The following MAP2K2 variants were observed in gnomAD, a reference collection of about 807,000 sequenced individuals.
MAP2K2 encodes dual specificity mitogen-activated protein kinase kinase 2.
MAP2K2 carries 24 observed loss-of-function variants against 43.7 expected under a neutral mutation model. The ratio of observed to expected loss-of-function variants is 0.55; its 90% CI spans 0.40 to 0.77. The LOEUF (loss-of-function observed/expected upper bound fraction) is 0.77. MAP2K2 is among the 30% of genes least tolerant of loss of function. MAP2K2 has a pLI of 0.00. For missense variants in MAP2K2, 470 were observed against 566.8 expected, an observed-to-expected ratio of 0.83 and a Z score of 1.73; for synonymous variants, 244 against 239.7, an observed-to-expected ratio of 1.02 and a Z score of -0.17.
In MAP2K2 at chr19:4,099,294, C is replaced by G. The variant is rs889422963; in HGVS notation, c.826G>C (p.Glu276Gln). 4.4e-6 allele frequency: 7 copies of G among 1,607,570 alleles called. No individual in the cohort carries two copies. Among genetic ancestry groups the G allele is most frequent in the Non-Finnish European group, 5.9e-6 (7 of 1,177,500 alleles). Residue 276 changes from glutamate (E) to glutamine (Q), a missense_variant, in exon 7 of 11, where the codon GAG becomes CAG. Physicochemically the swap from Glu to Gln is conservative, Grantham distance 29. This residue lies in a region of MAP2K2 where 212 missense variants were observed against 220.8 expected (regional missense o/e 0.96). Transcript: ENST00000262948. Reference protein sequence around the residue: ...PIPPPDAKELEAIFGRPVVDG... With the variant: ...PIPPPDAKELQAIFGRPVVDG... ...ACCACGGGCCGGCCAAAGATGGCCTCCAGCTCTTTGGCGTCGGGCGGGGGG... is the reference window on the plus strand; with the variant it reads ...ACCACGGGCCGGCCAAAGATGGCCTGCAGCTCTTTGGCGTCGGGCGGGGGG...
chr19:4,110,041 C>T (rs572902621), intron 3 of MAP2K2, among the ~76,000 whole-genome samples: 1 of 152,288 alleles, frequency 6.6e-6, no homozygotes, highest in South Asian at 2.1e-4. Context: ...CGGTGGCTCA[C>T]ACCTGTAATC....
At chr19:4,111,147 T>C (rs963070233) in intron 2 of MAP2K2, among the ~76,000 whole-genome samples, 3 of 151,648 alleles carry the variant, frequency 2.0e-5, no homozygotes, top group African/African-American at 7.3e-5. Context: ...GGGATGGGGG[T>C]GACTGCTGAT....
Position 4,115,376 on chromosome 19 carries a change from T to C in MAP2K2, c.303+2043A>G, listed in dbSNP as rs979014248. 3.3e-5 allele frequency among the ~76,000 whole-genome samples: 5 copies of C among 152,144 alleles called. No homozygotes were observed. Among genetic ancestry groups the C allele is most frequent in the Non-Finnish European group, 7.4e-5 (5 of 68,016 alleles). ...GCAGGAGCTGCTGATACAGCAAGCA[T>C]TGGGTTCATGTCCACTGCCCAGCCC... On this transcript the variant is annotated intron_variant, in intron 2 of 10. Transcript: ENST00000262948. The surrounding 1 kb of genome is among the most constrained non-coding windows in gnomAD (Gnocchi z 4.1).
chr19:4,099,498 G>A (rs751394990), intron 6 of MAP2K2, 84 bp from the exon 7 acceptor site: 209 of 1,080,436 alleles, frequency 1.9e-4, no homozygotes, highest in African/African-American at 6.7e-4. Flanking sequence ...TACAGCCCCC[G>A]TCACCCTCTC....
chr19:4,099,172 A>G (rs2145049312), intron 7 of MAP2K2, 29 bp downstream of exon 7: 1 of 1,576,324 alleles, frequency 6.3e-7, no homozygotes, highest in Non-Finnish European at 8.6e-7. Context: ...CTGCGCGTCC[A>G]GACCGGAAGT....
At chr19:4,097,566 A>T (rs940298952) in intron 7 of MAP2K2, among the ~76,000 whole-genome samples, 3 of 152,218 alleles carry the variant, frequency 2.0e-5, no homozygotes, top group Non-Finnish European at 4.4e-5. Context: ...GAATTAAAAA[A>T]AAGGCAAAAG....
intron 1 of MAP2K2, among the ~76,000 whole-genome samples, chr19:4,118,684 T>C (rs1489278590): frequency 6.6e-6 from 1 of 152,096 alleles, no homozygotes; most frequent in Non-Finnish European, 1.5e-5. Flanking sequence ...CCTGTAGTTC[T>C]AGTTACTCAG....
chr19:4,102,044 T>C (rs937570938), intron 4 of MAP2K2, among the ~76,000 whole-genome samples: 2 of 151,988 alleles, frequency 1.3e-5, no homozygotes, highest in African/African-American at 4.8e-5. Flanking sequence ...CCCCAGAGTC[T>C]CCCTTTCAAC....
chr19:4,110,736 C>T (rs1599300685), intron 2 of MAP2K2, 81 bp from the exon 3 acceptor site: 6 of 1,507,666 alleles, frequency 4.0e-6, no homozygotes, highest in African/African-American at 1.4e-5. Context: ...GCTCTGCAGG[C>T]GTTCCCAACA....
At chr19:4,112,247 G>A (rs73536081) in intron 2 of MAP2K2, among the ~76,000 whole-genome samples, 6,657 of 152,332 alleles carry the variant, frequency 0.044, 489 homozygotes, top group African/African-American at 0.15. Context: ...GAGGAGACCT[G>A]GGGTCAGGAC....
At chr19:4,122,091 G>A (rs1224924618) in intron 1 of MAP2K2, among the ~76,000 whole-genome samples, 1 of 42,902 alleles carries the variant, frequency 2.3e-5, no homozygotes, top group Admixed American at 2.7e-4. Flanking sequence ...ACCGCTCCCC[G>A]CCCCCCCAAG....
intron 6 of MAP2K2, 111 bp from the exon 7 acceptor site, chr19:4,099,525 A>G: frequency 1.2e-6 from 1 of 837,250 alleles, no homozygotes; most frequent in Non-Finnish European, 1.9e-6. Context: ...TAATGACCGC[A>G]GCAATGGATA....
intron 2 of MAP2K2, among the ~76,000 whole-genome samples, chr19:4,116,039 T>C (rs1051910105): frequency 1.3e-5 from 2 of 152,182 alleles, no homozygotes; most frequent in Non-Finnish European, 2.9e-5. Flanking sequence ...GCTTGCAGAC[T>C]TTCAAAGGGT....
At chr19:4,110,207 G>A (rs961953204) in intron 3 of MAP2K2, among the ~76,000 whole-genome samples, 6 of 152,150 alleles carry the variant, frequency 3.9e-5, no homozygotes, top group African/African-American at 1.4e-4. Context: ...GGGAGGCTGA[G>A]TCAGAAGTAT....
rs1331087880 is a variant in MAP2K2, at chr19:4,110,629, G to A, written c.330C>T (p.Ala110=). The A allele has an allele frequency of 6.2e-7, 1 of 1,613,560 alleles. No homozygotes were observed. Among genetic ancestry groups the A allele is most frequent in the Admixed American group, 1.7e-5 (1 of 60,022 alleles). ...GCTCGCGGATGATCTGGTTCCGGAT[G>A]GCCGGCTTGATCTCAAGGTGGATCA... is the stretch of plus-strand genomic sequence containing the variant. ...RKLIHLEIKP[A]IRNQIIRELQ... Residue 110 remains alanine, a synonymous_variant, in exon 3 of 11, where the codon GCC becomes GCT. Transcript: ENST00000262948.
chr19:4,123,879 G>C lies in MAP2K2; in HGVS notation c.-4C>G, dbSNP rs747742961. On this transcript the variant is annotated 5_prime_UTR_variant, in exon 1 of 11. Transcript: ENST00000262948. Reference sequence around the variant, plus strand: ...CCGGCTTCCTCCGGGCCAGCATCGGGGCTCCGCGGGCCGGCGGCGGCGGCG... The same window carrying C: ...CCGGCTTCCTCCGGGCCAGCATCGGCGCTCCGCGGGCCGGCGGCGGCGGCG... 78 of 1,440,486 alleles carry C rather than the reference G, an allele frequency of 5.4e-5. No individual in the cohort carries two copies. The African/African-American group carries it at 1.1e-3, about 21-fold the overall frequency. 89.2% of individuals were successfully genotyped at this position (1,440,486 alleles called of 1,614,324 possible).
chr19:4,106,052 C>T (rs1249925875), intron 3 of MAP2K2, among the ~76,000 whole-genome samples: 1 of 152,190 alleles, frequency 6.6e-6, no homozygotes. Context: ...ACTGCAGCCT[C>T]GACCTACTGG....
intron 4 of MAP2K2, among the ~76,000 whole-genome samples, chr19:4,102,122 T>C (rs970462299): frequency 6.6e-6 from 1 of 152,078 alleles, no homozygotes; most frequent in African/African-American, 2.4e-5. Flanking sequence ...AGGGGACCAG[T>C]GTGGCAAACA....
chr19:4,108,513 G>C (rs1046522507), intron 3 of MAP2K2, among the ~76,000 whole-genome samples: 2 of 151,564 alleles, frequency 1.3e-5, no homozygotes, highest in Non-Finnish European at 2.9e-5. Context: ...CTCCCAAAGT[G>C]CTGGGATTAC....
Sources: allele counts gnomAD v4.1 joint callset (sites outside exome capture counted in the v4.1 genomes callset), GRCh38; gene constraint gnomAD v4.1.1; regional missense constraint gnomAD v4.1.1; non-coding constraint Gnocchi (gnomAD v3.1); transcripts MANE v1.5; gene names NCBI Gene and HGNC (gene_info 2026-07-23, HGNC 2026-07-21).